LRGUK: variants seen among roughly 807,000 people sequenced by gnomAD.
The protein encoded by LRGUK is leucine rich repeats and guanylate kinase domain containing.
Under a neutral mutation model 76.0 loss-of-function variants are expected in LRGUK, and 65 were observed. The ratio of observed to expected loss-of-function variants is 0.85; its 90% CI spans 0.70 to 1.05. LRGUK has a LOEUF of 1.05. Ranked by LOEUF, LRGUK falls within the 50% of genes least tolerant of loss-of-function variation. The pLI, the probability that LRGUK is intolerant of heterozygous loss-of-function variation, is 0.00. For synonymous variants in LRGUK, 268 were observed against 265.6 expected (o/e 1.01, Z -0.09); for missense variants, 758 against 732.8 (o/e 1.03, Z -0.40).
exon 16 of LRGUK, chr7:134,209,376 C>T (rs1801146411): frequency 1.3e-5 from 5 of 399,166 alleles, no homozygotes; most frequent in Non-Finnish European, 2.2e-5. Context: ...CAGAAACTTG[C>T]TGGCGATTCT....
At chr7:134,143,711 G>A (rs558098951) in intron 4 of LRGUK, among the ~76,000 whole-genome samples, 232 of 151,950 alleles carry the variant, frequency 1.5e-3, no homozygotes, top group African/African-American at 5.3e-3. Context: ...TTGCTTCTCC[G>A]CACTTGCTTT....
chr7:134,236,699 G>A (rs1802025590), intron 16 of LRGUK, among the ~76,000 whole-genome samples: 1 of 152,092 alleles, frequency 6.6e-6, no homozygotes, highest in African/African-American at 2.4e-5. Context: ...ACACCCATAG[G>A]CGCCTATAGG....
intron 19 of LRGUK, among the ~76,000 whole-genome samples, chr7:134,263,238 T>C (rs923619438): frequency 4.6e-5 from 7 of 151,932 alleles, no homozygotes; most frequent in Non-Finnish European, 8.8e-5. Flanking sequence ...AGAATTCTGC[T>C]TCTGCTATGG....
At chr7:134,238,514 A>T (rs1324991319) in intron 16 of LRGUK, among the ~76,000 whole-genome samples, 1 of 151,280 alleles carries the variant, frequency 6.6e-6, no homozygotes, top group Non-Finnish European at 1.5e-5. Flanking sequence ...TCACTCTTGT[A>T]TTTCTTCTAG....
At chr7:134,212,934 A>AG (rs1585565358), downstream of LRGUK, among the ~76,000 whole-genome samples, 3 of 152,312 alleles carry the variant, frequency 2.0e-5, no homozygotes, top group East Asian at 5.8e-4. Context: ...TGTCATAAGA[A>AG]TACCAAGGAA....
chr7:134,128,437 C>T (rs1483642052), intron 1 of LRGUK, among the ~76,000 whole-genome samples: 1 of 152,238 alleles, frequency 6.6e-6, no homozygotes, highest in Non-Finnish European at 1.5e-5. Context: ...CTTTTCCTTT[C>T]TTAGTCCATT....
At chr7:134,152,241 A>G (rs564766255) in intron 5 of LRGUK, among the ~76,000 whole-genome samples, 12 of 152,194 alleles carry the variant, frequency 7.9e-5, no homozygotes, top group African/African-American at 2.9e-4. Flanking sequence ...TATGCCAGAA[A>G]CAAGCAATTA....
At chr7:134,183,768 C>A (rs370734172) in exon 11 of LRGUK, 1 of 1,614,032 alleles carries the variant, frequency 6.2e-7, no homozygotes, top group African/African-American at 1.3e-5. Flanking sequence ...TTATCCCATG[C>A]TGATACTAGC....
chr7:134,267,333 C>T (rs1436328710), downstream of LRGUK, among the ~76,000 whole-genome samples: 2 of 152,186 alleles, frequency 1.3e-5, no homozygotes, highest in African/African-American at 4.8e-5. Flanking sequence ...TCAAATATCA[C>T]ATCTTCTCAC....
chr7:134,212,566 C>A (rs1004223262), downstream of LRGUK, among the ~76,000 whole-genome samples: 1 of 152,204 alleles, frequency 6.6e-6, no homozygotes, highest in African/African-American at 2.4e-5. Flanking sequence ...AAATGAAGAG[C>A]TTATATAATG....
chr7:134,180,834 A>G (rs1333983343), intron 10 of LRGUK, among the ~76,000 whole-genome samples: 1 of 152,108 alleles, frequency 6.6e-6, no homozygotes, highest in Non-Finnish European at 1.5e-5. Flanking sequence ...ACCACCATCT[A>G]TTTCCAAAAC....
intron 3 of LRGUK, among the ~76,000 whole-genome samples, chr7:134,141,318 C>G (rs1265742005): frequency 6.6e-6 from 1 of 152,204 alleles, no homozygotes; most frequent in Non-Finnish European, 1.5e-5. Context: ...CTGGGCCCCA[C>G]TCTCAGGGTT....
At chr7:134,218,018 G>A (rs1801480470) in intron 15 of LRGUK, among the ~76,000 whole-genome samples, 1 of 152,208 alleles carries the variant, frequency 6.6e-6, no homozygotes, top group African/African-American at 2.4e-5. Context: ...CTAGAGTGCG[G>A]TGGCACAATC....
intron 19 of LRGUK, among the ~76,000 whole-genome samples, chr7:134,260,764 T>C (rs1476128303): frequency 1.3e-5 from 2 of 152,216 alleles, no homozygotes; most frequent in Non-Finnish European, 2.9e-5. Flanking sequence ...CCACTGCTCC[T>C]GTGGCTTCTC....
intron 15 of LRGUK, among the ~76,000 whole-genome samples, chr7:134,202,415 G>A (rs1449497370): frequency 6.6e-6 from 1 of 152,038 alleles, no homozygotes; most frequent in Non-Finnish European, 1.5e-5. Context: ...TATTGCTCCT[G>A]TGGGAAACAG....
At chr7:134,151,990 T>A (rs1248988854) in intron 5 of LRGUK, among the ~76,000 whole-genome samples, 1 of 152,064 alleles carries the variant, frequency 6.6e-6, no homozygotes, top group Non-Finnish European at 1.5e-5. Context: ...TAAGTTAGGA[T>A]GTCTGCCATT....
intron 5 of LRGUK, among the ~76,000 whole-genome samples, chr7:134,154,726 A>G (rs1333530091): frequency 2.0e-5 from 3 of 152,228 alleles, no homozygotes; most frequent in South Asian, 2.1e-4. Context: ...TGCAGAAACC[A>G]TAGGTATGAT....
At chr7:134,223,238 C>G (rs1033548125) in intron 16 of LRGUK, among the ~76,000 whole-genome samples, 1 of 152,090 alleles carries the variant, frequency 6.6e-6, no homozygotes, top group Non-Finnish European at 1.5e-5. Flanking sequence ...GGCCTCTTGG[C>G]TCTGTGCTCA....
chr7:134,190,874 A>G, intron 11 of LRGUK, among the ~76,000 whole-genome samples: 1 of 35,966 alleles, frequency 2.8e-5, no homozygotes, highest in Non-Finnish European at 7.2e-5. Flanking sequence ...TAAATATATA[A>G]AAGAAAGCAG....
Sources: gnomAD v4.1 joint callset for allele counts (sites outside exome capture counted in the v4.1 genomes callset) on GRCh38, gnomAD v4.1.1 for gene constraint, MANE v1.5 for transcripts, NCBI Gene and HGNC (gene_info 2026-07-23, HGNC 2026-07-21) for gene names.